JAZF1: variants seen among roughly 807,000 people sequenced by gnomAD.
The protein encoded by JAZF1 is juxtaposed with another zinc finger protein 1.
Under a neutral mutation model 26.4 loss-of-function variants are expected in JAZF1, and 8 were observed. The ratio of observed to expected loss-of-function variants is 0.30; its 90% CI spans 0.18 to 0.55. The LOEUF (loss-of-function observed/expected upper bound fraction) is 0.55. Ranked by LOEUF, JAZF1 falls within the 20% of genes least tolerant of loss-of-function variation. The pLI is 0.94. For missense variants in JAZF1, 199 were observed against 322.0 expected (o/e 0.62, Z 2.92); for synonymous variants, 126 against 122.3 (o/e 1.03, Z -0.20).
At chr7:28,136,133 G>A (rs191031779) in intron 1 of JAZF1, among the ~76,000 whole-genome samples, 1 of 152,280 alleles carries the variant, frequency 6.6e-6, no homozygotes, top group East Asian at 1.9e-4. Flanking sequence ...ATCGCAGCAG[G>A]GAGTAATTAC....
intron 1 of JAZF1, among the ~76,000 whole-genome samples, chr7:28,013,590 G>C (rs770088791): frequency 3.9e-5 from 6 of 152,064 alleles, no homozygotes; most frequent in African/African-American, 1.4e-4. Context: ...TCAGAACCAC[G>C]CTTCTAGAAC....
At chr7:28,031,742 G>A (rs1420243219) in intron 1 of JAZF1, among the ~76,000 whole-genome samples, 10 of 152,152 alleles carry the variant, frequency 6.6e-5, no homozygotes. Context: ...GGGGTTGGGG[G>A]AAGGGAAAGC....
At chr7:27,981,717 A>G (rs1785589353) in intron 2 of JAZF1, among the ~76,000 whole-genome samples, 1 of 152,192 alleles carries the variant, frequency 6.6e-6, no homozygotes, top group African/African-American at 2.4e-5. Context: ...CTAATTTTCT[A>G]TAATGCCTAT....
intron 1 of JAZF1, among the ~76,000 whole-genome samples, chr7:27,993,083 T>C (rs1308190743): frequency 6.6e-6 from 1 of 152,240 alleles, no homozygotes; most frequent in Non-Finnish European, 1.5e-5. Context: ...ACTCCCAGAT[T>C]AAAACTGGAC....
intron 1 of JAZF1, among the ~76,000 whole-genome samples, chr7:28,024,950 C>G (rs2128373613): frequency 6.6e-6 from 1 of 152,300 alleles, no homozygotes; most frequent in African/African-American, 2.4e-5. Context: ...ACTGAGGTTC[C>G]TTCTTTGAAA....
chr7:28,101,612 T>G (rs1784473127), intron 1 of JAZF1, among the ~76,000 whole-genome samples: 1 of 138,106 alleles, frequency 7.2e-6, no homozygotes, highest in Admixed American at 7.6e-5. Context: ...GGCATGGTAA[T>G]GCACACCTGT....
At chr7:27,993,768 T>C (rs1272288484) in intron 1 of JAZF1, among the ~76,000 whole-genome samples, 1 of 152,142 alleles carries the variant, frequency 6.6e-6, no homozygotes, top group Non-Finnish European at 1.5e-5. Flanking sequence ...GCTCACAAAA[T>C]GGTTTCACCT....
At chr7:28,162,341 A>G (rs1783305767) in intron 1 of JAZF1, among the ~76,000 whole-genome samples, 1 of 152,162 alleles carries the variant, frequency 6.6e-6, no homozygotes. Flanking sequence ...TTGTATGTGT[A>G]CTCCTCCATA....
rs1289383766 is a variant in JAZF1 at position 27,992,151 on chromosome 7, T to C, written c.116-170A>G. 5.9e-6 allele frequency: 4 copies of C among 681,622 alleles called. No individual in the cohort carries two copies. The East Asian group carries it at 1.2e-4, about 20-fold the overall frequency. The allele number at this position is 681,622 out of a possible 1,614,324, so 42.2% of individuals were successfully genotyped here. A position where few individuals can be genotyped will look rare whatever the true frequency, so the allele number is the denominator to read the frequency against. ...AATCATTTGTTCATTCATTCATAAA[T>C]AACAAGATATTGCATTACTTTTCAA... On this transcript the variant is annotated intron_variant, in intron 1 of 4. Coordinates refer to ENST00000283928, the MANE Select transcript of JAZF1 (RefSeq NM_175061.4).
At position 28,061,018 on chromosome 7, in the gene JAZF1, C is replaced by G. The variant is rs1041988131; in HGVS notation, c.116-69037G>C. ...GAGCTTTGAAACTAGTGCCTGGGTT[C>G]AAATTTCTGCACAGCACTGATTAGC... On this transcript the variant is annotated intron_variant, in intron 1 of 4. Coordinates refer to ENST00000283928, the MANE Select transcript of JAZF1 (RefSeq NM_175061.4). Among the ~76,000 whole-genome samples the G allele has an allele frequency of 9.2e-5, 14 of 152,306 alleles. No homozygotes were observed. In the South Asian group the frequency reaches 2.9e-3, roughly 32 times the overall value.
At chr7:28,102,076 C>A (rs546863174) in intron 1 of JAZF1, among the ~76,000 whole-genome samples, 11 of 152,260 alleles carry the variant, frequency 7.2e-5, no homozygotes, top group African/African-American at 2.4e-4. Flanking sequence ...AGGGCACCAA[C>A]AACCCCTCCC....
At chr7:28,160,915 T>A (rs564597404) in intron 1 of JAZF1, among the ~76,000 whole-genome samples, 1 of 152,212 alleles carries the variant, frequency 6.6e-6, no homozygotes, top group Non-Finnish European at 1.5e-5. Context: ...GTTCTTGAGC[T>A]ATTAGGTATA....
chr7:27,891,745 G>T (rs1274373915), intron 3 of JAZF1, among the ~76,000 whole-genome samples: 1 of 152,148 alleles, frequency 6.6e-6, no homozygotes, highest in Non-Finnish European at 1.5e-5. Context: ...GAGCTACACA[G>T]GAGGCTGAGC....
intron 1 of JAZF1, among the ~76,000 whole-genome samples, chr7:28,038,779 C>T (rs987897538): frequency 6.6e-6 from 1 of 152,172 alleles, no homozygotes; most frequent in African/African-American, 2.4e-5. Flanking sequence ...TAGGAAACTA[C>T]AAAAAAGATA....
intron 3 of JAZF1, among the ~76,000 whole-genome samples, chr7:27,877,433 CAT>C (rs1442511760): frequency 6.6e-6 from 1 of 152,144 alleles, no homozygotes; most frequent in Non-Finnish European, 1.5e-5. Context: ...GTCAGCAAGT[CAT>C]AGTTTTAAAA....
chr7:28,022,560 G>A (rs1783024042), intron 1 of JAZF1, among the ~76,000 whole-genome samples: 1 of 152,130 alleles, frequency 6.6e-6, no homozygotes, highest in Non-Finnish European at 1.5e-5. Context: ...TACAGAAAAA[G>A]TGGAAAATCT....
chr7:28,073,571 T>C (rs1784008747), intron 1 of JAZF1, among the ~76,000 whole-genome samples: 1 of 152,152 alleles, frequency 6.6e-6, no homozygotes, highest in Non-Finnish European at 1.5e-5. Flanking sequence ...CGGGAGACAA[T>C]TTCACAAGGT....
chr7:27,986,044 G>A (rs13221028), intron 2 of JAZF1, among the ~76,000 whole-genome samples: 3 of 152,094 alleles, frequency 2.0e-5, no homozygotes, highest in Admixed American at 2.0e-4. Context: ...TCCCTTTTAA[G>A]ACTGGCACAA....
chr7:28,121,444 T>A (rs1782605026), intron 1 of JAZF1, among the ~76,000 whole-genome samples: 1 of 152,214 alleles, frequency 6.6e-6, no homozygotes, highest in Non-Finnish European at 1.5e-5. Flanking sequence ...TCTATAAAGC[T>A]GTGAGATGTA....
Sources: gnomAD v4.1 joint callset for allele counts (sites outside exome capture counted in the v4.1 genomes callset) on GRCh38, gnomAD v4.1.1 for gene constraint, MANE v1.5 for transcripts, NCBI Gene and HGNC (gene_info 2026-07-23, HGNC 2026-07-21) for gene names.